Variants in EIF2B3 observed in about 807,000 individuals in gnomAD.
EIF2B3 encodes the protein translation initiation factor eIF2B subunit gamma.
A neutral mutation model predicts 54.1 loss-of-function variants in EIF2B3; 20 were observed. The observed-to-expected ratio is 0.37, with a 90% CI of 0.26 to 0.54. The LOEUF (loss-of-function observed/expected upper bound fraction) is 0.54, where lower values mean the gene tolerates loss of function less well. Ranked by LOEUF, EIF2B3 falls within the 20% of genes least tolerant of loss-of-function variation. The pLI is 0.86. For synonymous variants in EIF2B3, 153 were observed against 188.1 expected (o/e 0.81, Z 1.52); for missense variants, 448 against 547.8 (o/e 0.82, Z 1.82).
At chr1:44,928,349 A>G (rs940530776) in intron 4 of EIF2B3, among the ~76,000 whole-genome samples, 1 of 152,156 alleles carries the variant, frequency 6.6e-6, no homozygotes, top group African/African-American at 2.4e-5. Flanking sequence ...TGGGAGGCTG[A>G]GGCAGGAGAA....
intron 11 of EIF2B3, 68 bp downstream of exon 11, chr1:44,857,636 C>T: frequency 6.9e-7 from 1 of 1,459,148 alleles, no homozygotes; most frequent in Non-Finnish European, 9.6e-7. Context: ...ACATCCTCAC[C>T]AGCCTTTGGC....
chr1:44,900,554 T>C (rs2148916370), intron 5 of EIF2B3, among the ~76,000 whole-genome samples: 1 of 150,560 alleles, frequency 6.6e-6, no homozygotes, highest in South Asian at 2.1e-4. Context: ...CTATGCTCAC[T>C]ACCTGGGTGA....
Position 44,897,043 on chromosome 1 carries a change from G to C in EIF2B3, c.656+312C>G, listed in dbSNP as rs534755910. Among the ~76,000 whole-genome samples, 5 of 152,324 alleles carry C rather than the reference G, an allele frequency of 3.3e-5. No homozygotes were observed. In the East Asian group the frequency reaches 7.7e-4, roughly 23 times the overall value. ...CATAAGGGCTGTGGAGCTCACTCCT[G>C]TCAAAGGAGGGAAGAAGAGCCTGGA... On this transcript the variant is annotated intron_variant, in intron 6 of 11. Transcript: ENST00000360403.
intron 4 of EIF2B3, among the ~76,000 whole-genome samples, chr1:44,940,936 G>C (rs1396368693): frequency 1.3e-5 from 2 of 151,036 alleles, no homozygotes; most frequent in Non-Finnish European, 2.9e-5. Flanking sequence ...GCCTAGGCTG[G>C]AGTGCAGTGG....
chr1:44,854,877 C>T (rs371136513), intron 11 of EIF2B3, among the ~76,000 whole-genome samples: 6 of 151,990 alleles, frequency 3.9e-5, no homozygotes, highest in Admixed American at 6.6e-5. Flanking sequence ...CATGAGCCAC[C>T]GCATCCGGCT....
Position 44,881,166 on chromosome 1 carries a change from G to A in EIF2B3, c.784+446C>T, listed in dbSNP as rs931868977. 5.3e-5 allele frequency among the ~76,000 whole-genome samples: 8 copies of A among 152,284 alleles called. No homozygotes were observed. Among genetic ancestry groups the A allele is most frequent in the Non-Finnish European group, 1.0e-4 (7 of 68,028 alleles). ...ATATGACAGCAAACAAGACAGATCC[G>A]ATCTTCAGATCCTGGCACGGAGACA... On this transcript the variant is annotated intron_variant, in intron 7 of 11. Transcript: ENST00000360403. This position sits in a 1 kb window ranked among gnomAD's most constrained non-coding sequence, Gnocchi z 4.0.
intron 5 of EIF2B3, among the ~76,000 whole-genome samples, chr1:44,902,957 C>A (rs891752575): frequency 6.6e-6 from 1 of 151,592 alleles, no homozygotes; most frequent in Non-Finnish European, 1.5e-5. Context: ...ATTTATTTAC[C>A]CAAGTTTGTT....
intron 4 of EIF2B3, among the ~76,000 whole-genome samples, chr1:44,935,000 G>A (rs1029197256): frequency 2.0e-4 from 30 of 152,212 alleles, no homozygotes; most frequent in African/African-American, 7.2e-4. Context: ...CGATTAAGAG[G>A]TGACAGCCAA....
chr1:44,943,398 AT>A (rs1557697748), intron 3 of EIF2B3, among the ~76,000 whole-genome samples: 12 of 149,556 alleles, frequency 8.0e-5, no homozygotes, highest in African/African-American at 2.7e-4. Flanking sequence ...ATCTATATCT[AT>A]ATCTATATCT....
chr1:44,968,621 C>T (rs1229787819), intron 3 of EIF2B3, among the ~76,000 whole-genome samples: 1 of 151,976 alleles, frequency 6.6e-6, no homozygotes, highest in Non-Finnish European at 1.5e-5. Flanking sequence ...ACATTTAGGC[C>T]GGTGCAGTGG....
chr1:44,941,406 TG>T, intron 4 of EIF2B3, 99 bp downstream of exon 4: 1 of 1,362,278 alleles, frequency 7.3e-7, no homozygotes, highest in Middle Eastern at 2.2e-4. Flanking sequence ...GAATCTGTGA[TG>T]TATAGTAGAT....
At chr1:44,947,347 G>A (rs964349228) in intron 3 of EIF2B3, among the ~76,000 whole-genome samples, 2 of 152,158 alleles carry the variant, frequency 1.3e-5, no homozygotes, top group African/African-American at 4.8e-5. Flanking sequence ...CTTGACTAAA[G>A]TAAACAAATT....
Position 44,884,746 on chromosome 1 carries a change from G to A in EIF2B3, c.657-3007C>T, listed in dbSNP as rs146538530. Among the ~76,000 whole-genome samples, 6 of 152,120 alleles carry A rather than the reference G, an allele frequency of 3.9e-5. No individual in the cohort carries two copies. The East Asian group carries it at 7.7e-4, about 20-fold the overall frequency. ...TCCCTTTGAAGAAGTGACAAAGCAC[G>A]GACAGCTAGGGGATTTCAGGGCCAT... On this transcript the variant is annotated intron_variant, in intron 6 of 11. Transcript: ENST00000360403.
At chr1:44,878,499 G>A (rs1252598266) in intron 8 of EIF2B3, among the ~76,000 whole-genome samples, 1 of 152,044 alleles carries the variant, frequency 6.6e-6, no homozygotes, top group African/African-American at 2.4e-5. Flanking sequence ...CTGACCTCAG[G>A]CGATCCACCC....
intron 3 of EIF2B3, among the ~76,000 whole-genome samples, chr1:44,976,770 T>C (rs1644457531): frequency 1.3e-5 from 2 of 152,050 alleles, no homozygotes; most frequent in Admixed American, 1.3e-4. Context: ...ATCTGAAAAA[T>C]ATGTTGAACA....
At chr1:44,887,648 CTT>C (rs1001395099) in intron 6 of EIF2B3, among the ~76,000 whole-genome samples, 5 of 152,166 alleles carry the variant, frequency 3.3e-5, no homozygotes, top group African/African-American at 4.8e-5. Context: ...TATTTAAAGA[CTT>C]TATGAAGGCC....
Position 44,850,926 on chromosome 1 carries a change from G to C in EIF2B3, c.*25C>G. On this transcript the variant is annotated 3_prime_UTR_variant, in exon 12 of 12. Coordinates refer to ENST00000360403, the MANE Select transcript of EIF2B3 (RefSeq NM_020365.5). ...ACATCTGTGGCTTTGGAGGCCAAAA[G>C]GAAGGAGTCTGACTTGCTCAGAACT... is the stretch of plus-strand genomic sequence containing the variant. The C allele has an allele frequency of 2.5e-6, 4 of 1,614,014 alleles. No homozygotes were observed. The highest frequency in any genetic ancestry group is 3.4e-6 in the Non-Finnish European group (4 of 1,179,890).
At chr1:44,921,156 T>C (rs1329941232) in intron 5 of EIF2B3, among the ~76,000 whole-genome samples, 2 of 152,260 alleles carry the variant, frequency 1.3e-5, no homozygotes, top group East Asian at 3.8e-4. Context: ...GAACACCTTT[T>C]CATATATCTG....
At chr1:44,895,720 G>A (rs1557674960) in intron 6 of EIF2B3, among the ~76,000 whole-genome samples, 3 of 152,108 alleles carry the variant, frequency 2.0e-5, no homozygotes, top group African/African-American at 4.8e-5. Context: ...GGAGAGAAAC[G>A]GTGGCATATA....
Sources: allele counts gnomAD v4.1 joint callset (sites outside exome capture counted in the v4.1 genomes callset), GRCh38; gene constraint gnomAD v4.1.1; non-coding constraint Gnocchi (gnomAD v3.1); transcripts MANE v1.5; gene names NCBI Gene and HGNC (gene_info 2026-07-23, HGNC 2026-07-21).